The following NTN1 variants were observed in gnomAD, a reference collection of about 807,000 sequenced individuals.
The protein encoded by NTN1 is netrin-1.
NTN1 carries 11 observed loss-of-function variants against 54.2 expected under a neutral mutation model. That is an observed-to-expected ratio of 0.20 (90% CI 0.13 to 0.34). The LOEUF (loss-of-function observed/expected upper bound fraction) is 0.34, where lower values mean the gene tolerates loss of function less well. Ranked by LOEUF, NTN1 falls within the 10% of genes least tolerant of loss-of-function variation. The pLI, the probability that NTN1 is intolerant of heterozygous loss-of-function variation, is 1.00. For missense variants in NTN1, 740 were observed against 893.1 expected (o/e 0.83, Z 2.18); for synonymous variants, 371 against 382.0 (o/e 0.97, Z 0.33).
At chr17:9,067,013 A>T (rs895209288) in intron 2 of NTN1, among the ~76,000 whole-genome samples, 1 of 150,926 alleles carries the variant, frequency 6.6e-6, no homozygotes, top group Admixed American at 6.6e-5. Flanking sequence ...AAAAAAAAAA[A>T]AAGGCACATT....
chr17:9,172,151 G>C (rs1162463093), intron 3 of NTN1, among the ~76,000 whole-genome samples: 1 of 152,076 alleles, frequency 6.6e-6, no homozygotes, highest in Non-Finnish European at 1.5e-5. Context: ...TAATCCCAAA[G>C]TGCCGGGATT....
chr17:9,044,546 T>C (rs1007229568), intron 2 of NTN1, among the ~76,000 whole-genome samples: 2 of 152,052 alleles, frequency 1.3e-5, no homozygotes, highest in African/African-American at 4.8e-5. Flanking sequence ...CTCTGGCATG[T>C]TTTTTAGTTT....
At chr17:9,008,489 T>C in the NTN1 span, among the ~76,000 whole-genome samples, 9 of 151,824 alleles carry the variant, frequency 5.9e-5, no homozygotes, top group Non-Finnish European at 1.2e-4. Context: ...CCAGCTGATA[T>C]TTTTTGTATT....
intron 2 of NTN1, among the ~76,000 whole-genome samples, chr17:9,162,442 C>T (rs144833874): frequency 3.9e-5 from 6 of 152,036 alleles, no homozygotes; most frequent in East Asian, 1.9e-4. Context: ...CGTGCACATG[C>T]GTCCCTGCGT....
chr17:9,134,768 G>A (rs761757605), intron 2 of NTN1, among the ~76,000 whole-genome samples: 64 of 152,262 alleles, frequency 4.2e-4, no homozygotes, highest in Non-Finnish European at 8.4e-4. Flanking sequence ...GCATCACAGA[G>A]CCCGCTGAGT....
intron 2 of NTN1, among the ~76,000 whole-genome samples, chr17:9,044,781 A>C (rs1165154528): frequency 6.6e-6 from 1 of 152,136 alleles, no homozygotes; most frequent in Admixed American, 6.5e-5. Context: ...ATGTAACTCG[A>C]TCTTCCACAG....
intron 5 of NTN1, among the ~76,000 whole-genome samples, chr17:9,203,089 T>C (rs1904855276): frequency 6.6e-6 from 1 of 151,852 alleles, no homozygotes; most frequent in South Asian, 2.1e-4. Context: ...GCCTGGCTAA[T>C]TTTTTTTATT....
At chr17:9,015,368 GCCACTGCACT>G in the NTN1 span, among the ~76,000 whole-genome samples, 10 of 152,114 alleles carry the variant, frequency 6.6e-5, no homozygotes, top group Admixed American at 6.6e-4. Context: ...CCAAGATCGT[GCCACTGCACT>G]CCAGCCTGGG....
chr17:9,108,581 C>T (rs556927639), intron 2 of NTN1, among the ~76,000 whole-genome samples: 2 of 152,316 alleles, frequency 1.3e-5, no homozygotes, highest in East Asian at 3.9e-4. Flanking sequence ...GAACTTAAAA[C>T]ATTATTCAGT....
At chr17:9,114,150 AAAG>A (rs200597037) in intron 2 of NTN1, among the ~76,000 whole-genome samples, 7,517 of 91,630 alleles carry the variant, frequency 0.082, 505 homozygotes, top group Non-Finnish European at 0.12. Flanking sequence ...TGCCAAAAAA[AAAG>A]AAAAAAAAAA....
At chr17:9,227,928 T>C (rs1200831718) in intron 6 of NTN1, among the ~76,000 whole-genome samples, 1 of 151,616 alleles carries the variant, frequency 6.6e-6, no homozygotes, top group Non-Finnish European at 1.5e-5. Context: ...GCATCACACA[T>C]GCACACACCA....
In NTN1 at chr17:9,168,835, GT is replaced by G. The variant is rs369180340; in HGVS notation, c.1207+5841del. On this transcript the variant is annotated intron_variant, in intron 3 of 6. Coordinates refer to ENST00000173229, the MANE Select transcript of NTN1 (RefSeq NM_004822.3). ...CCATTACCTGTATTTATACTTTCAT[GT>G]TTTTTTGTGGGGGGTGCAGGGAAAA... 5.8e-3 allele frequency among the ~76,000 whole-genome samples: 879 copies of G among 152,230 alleles called. 10 individuals are homozygous for G. The highest frequency in any genetic ancestry group is 0.02 in the African/African-American group (821 of 41,534).
chr17:9,079,251 G>T (rs1363443076), intron 2 of NTN1, among the ~76,000 whole-genome samples: 1 of 152,212 alleles, frequency 6.6e-6, no homozygotes, highest in East Asian at 1.9e-4. Context: ...CACCATTCTT[G>T]CGGGGTAGGA....
intron 6 of NTN1, among the ~76,000 whole-genome samples, chr17:9,229,842 G>A (rs1485700591): frequency 6.6e-6 from 1 of 152,144 alleles, no homozygotes; most frequent in Non-Finnish European, 1.5e-5. Context: ...ATGGAGGCAG[G>A]CATAGAGAAG....
the NTN1 span, among the ~76,000 whole-genome samples, chr17:9,009,479 T>G: frequency 1.3e-5 from 2 of 152,222 alleles, no homozygotes; most frequent in Admixed American, 1.3e-4. Flanking sequence ...GGGACATTCC[T>G]TCCTTCCCCA....
chr17:9,158,913 G>A (rs1436516168), intron 2 of NTN1, among the ~76,000 whole-genome samples: 1 of 152,178 alleles, frequency 6.6e-6, no homozygotes, highest in Admixed American at 6.5e-5. Context: ...GGCAGGAGCT[G>A]TCTTTTCTCC....
intron 2 of NTN1, among the ~76,000 whole-genome samples, chr17:9,131,282 A>C (rs1256211636): frequency 6.6e-6 from 1 of 152,146 alleles, no homozygotes; most frequent in Non-Finnish European, 1.5e-5. Flanking sequence ...ATTTTTCTTC[A>C]TGACACTTAG....
chr17:9,015,441 A>C, the NTN1 span, among the ~76,000 whole-genome samples: 6 of 152,172 alleles, frequency 3.9e-5, no homozygotes, highest in Middle Eastern at 3.4e-3. Context: ...ACAATTAAAA[A>C]ATTAAAAGGA....
chr17:9,235,845 C>G (rs1265927944), intron 6 of NTN1, among the ~76,000 whole-genome samples: 4 of 151,470 alleles, frequency 2.6e-5, no homozygotes, highest in Admixed American at 1.3e-4. Context: ...ACCTCTGCCT[C>G]TTGGGCTCAA....
Sources: allele counts gnomAD v4.1 joint callset (sites outside exome capture counted in the v4.1 genomes callset), GRCh38; gene constraint gnomAD v4.1.1; transcripts MANE v1.5; gene names NCBI Gene and HGNC (gene_info 2026-07-23, HGNC 2026-07-21).